PCM1: variants seen among roughly 807,000 people sequenced by gnomAD.
PCM1 encodes pericentriolar material 1.
In PCM1, 157 loss-of-function variants were observed where a neutral mutation model predicts 241.9. The ratio of observed to expected loss-of-function variants is 0.65; its 90% CI spans 0.57 to 0.74. PCM1 has a LOEUF of 0.74. Among genes scored for constraint, PCM1 ranks in the 30% least tolerant of loss-of-function variants. The probability of loss-of-function intolerance (pLI) is 0.00; values close to 1 mark genes in which losing one functional copy is unlikely to be tolerated. For missense variants in PCM1, 3,478 were observed against 2,360.1 expected, an observed-to-expected ratio of 1.47 and a Z score of -9.81; for synonymous variants, 1,085 against 784.9, an observed-to-expected ratio of 1.38 and a Z score of -6.39.
chr8:17,973,552 C>T (rs208039), intron 23 of PCM1, among the ~76,000 whole-genome samples: 1 of 151,952 alleles, frequency 6.6e-6, no homozygotes, highest in Admixed American at 6.6e-5. Flanking sequence ...AACCCCATCT[C>T]TACTAAAAGT....
chr8:18,011,551 GA>G, intron 33 of PCM1, 115 bp from the exon 34 acceptor site: 10 of 1,099,296 alleles, frequency 9.1e-6, no homozygotes, highest in Middle Eastern at 2.8e-4. Flanking sequence ...CATTCTGTTT[GA>G]GGATTTCAGA....
At chr8:18,014,253 G>A (rs2092892214) in intron 35 of PCM1, among the ~76,000 whole-genome samples, 1 of 151,994 alleles carries the variant, frequency 6.6e-6, no homozygotes, top group South Asian at 2.1e-4. Flanking sequence ...ATATTTACCT[G>A]CACAGACAAA....
chr8:17,947,188 C>T lies in PCM1; in HGVS notation c.786C>T (p.Ala262=), dbSNP rs768842645. The T allele has an allele frequency of 1.1e-5, 18 of 1,583,220 alleles. No individual in the cohort carries two copies. In the East Asian group the frequency reaches 3.6e-4, roughly 32 times the overall value. ...GTATTGTTGGTCTTATTTTCCAGGC[C>T]AGAGATCCTCAGCAGGAGCCTATGG... The part of the protein sequence containing the change: ...SYMKFLKKIL[A]RDPQQEPMEE... Residue 262 remains alanine (A), a splice_region_variant and synonymous_variant, in exon 7 of 39, where the codon GCC becomes GCT. Transcript: ENST00000325083.
In PCM1 at chr8:17,991,734, A is replaced by G. The variant is rs764997962; in HGVS notation, c.4690+34A>G. 2.7e-6 allele frequency: 4 copies of G among 1,476,190 alleles called. No individual in the cohort carries two copies. In the South Asian group the frequency reaches 5.1e-5, roughly 19 times the overall value. 91.4% of individuals were successfully genotyped at this position (1,476,190 alleles called of 1,614,324 possible). A position where few individuals can be genotyped will look rare whatever the true frequency, so the allele number is the denominator to read the frequency against. ...TTTTGTTTTCGGTAGGTTTTTGGAG[A>G]ACAGGTGGTGTTTGGTTACATGAAT... On this transcript the variant is annotated intron_variant, in intron 28 of 38. Transcript: ENST00000325083.
chr8:17,962,056 A>T lies in PCM1; in HGVS notation c.2345A>T (p.Asn782Ile). 2.5e-6 allele frequency: 4 copies of T among 1,611,508 alleles called. No homozygotes were observed. Among genetic ancestry groups the T allele is most frequent in the Non-Finnish European group, 3.4e-6 (4 of 1,178,500 alleles). The change falls in exon 16 of 39, where the codon AAC (asparagine) becomes ATC (isoleucine). Residue 782 changes from asparagine to isoleucine, a missense_variant. By Grantham distance (149) the Asn-to-Ile change is moderately radical (BLOSUM62 -3). Coordinates refer to ENST00000325083, the MANE Select transcript of PCM1 (RefSeq NM_006197.4). ...TAGCTGTCAGCTGCTAGTGTGGGTA[A>T]CTGTCCCACCAAAAAATATATGCCA... is the stretch of plus-strand genomic sequence containing the variant. ...DLQLSAASVG[N>I]CPTKKYMPAV... is the part of the protein sequence containing the mutation.
chr8:17,941,685 T>A (rs1171621189), intron 6 of PCM1, among the ~76,000 whole-genome samples: 5 of 152,160 alleles, frequency 3.3e-5, no homozygotes, highest in African/African-American at 1.2e-4. Flanking sequence ...GGCCGTGCAT[T>A]GAGGACAAAC....
chr8:17,946,832 A>AGTGTGTGT (rs368892136), intron 6 of PCM1, among the ~76,000 whole-genome samples: 1,737 of 138,338 alleles, frequency 0.013, 14 homozygotes, highest in East Asian at 0.042. Context: ...TAGATTCTTC[A>AGTGTGTGT]GTGTGTGTGT....
intron 27 of PCM1, 75 bp from the exon 28 acceptor site, chr8:17,991,467 T>G: frequency 7.8e-7 from 1 of 1,275,668 alleles, no homozygotes; most frequent in Non-Finnish European, 1.1e-6. Context: ...GACATTTTTT[T>G]ATTAATGCAT....
Position 18,014,719 on chromosome 8 carries a change from G to T in PCM1, c.5720G>T (p.Arg1907Leu). Reference protein sequence around the residue: ...STQQPNPLPLRLPEMEPLVPR... With the variant: ...STQQPNPLPLLLPEMEPLVPR... The stretch of plus-strand genomic sequence containing the variant: ...CAACAGCCTAACCCTTTGCCGTTAC[G>T]TTTACCTGAAATGGAACCCTTAGTG... Residue 1907 changes from arginine to leucine, a missense_variant, in exon 36 of 39, where the codon CGT becomes CTT. Coordinates refer to ENST00000325083, the MANE Select transcript of PCM1 (RefSeq NM_006197.4). 3.1e-6 allele frequency: 5 copies of T among 1,613,242 alleles called. No homozygotes were observed. Among genetic ancestry groups the T allele is most frequent in the South Asian group, 1.1e-5 (1 of 91,048 alleles).
intron 10 of PCM1, chr8:17,955,960 A>G (rs2068198922): frequency 2.6e-6 from 1 of 378,712 alleles, no homozygotes; most frequent in African/African-American, 2.1e-5. Flanking sequence ...GTAGAATCAG[A>G]CAGCCCTGAA....
rs747678669 is a variant in PCM1 at position 17,972,561 on chromosome 8, G to A, written c.3817G>A (p.Val1273Met). ...SMPDPVDPTTVTKTFKTRKAS... is the reference protein window; with the variant it reads ...SMPDPVDPTTMTKTFKTRKAS... Reference sequence around the variant, plus strand: ...GCCTGATCCAGTAGATCCAACAACAGTGACTAAAACATTCAAGACAAGAAA... The same window carrying A: ...GCCTGATCCAGTAGATCCAACAACAATGACTAAAACATTCAAGACAAGAAA... Residue 1273 changes from valine to methionine, a missense_variant, in exon 23 of 39, where the codon GTG becomes ATG. Physicochemically the swap from Val to Met is conservative, Grantham distance 21 (BLOSUM62 1). Coordinates refer to ENST00000325083, the MANE Select transcript of PCM1 (RefSeq NM_006197.4). 1 of 1,613,742 alleles carries A rather than the reference G, an allele frequency of 6.2e-7. No homozygotes were observed. Among genetic ancestry groups the A allele is most frequent in the Non-Finnish European group, 8.5e-7 (1 of 1,179,714 alleles).
chr8:17,999,480 G>A (rs909916071), intron 29 of PCM1, among the ~76,000 whole-genome samples: 3 of 152,024 alleles, frequency 2.0e-5, no homozygotes, highest in South Asian at 2.1e-4. Flanking sequence ...CTGGAATGGC[G>A]ACCTCACGAC....
rs187667323 is a variant in PCM1 at position 17,974,833 on chromosome 8, T to A, written c.3943+2146T>A. 4.6e-4 allele frequency among the ~76,000 whole-genome samples: 70 copies of A among 151,364 alleles called. 1 individual carries two copies. The highest frequency in any genetic ancestry group is 1.7e-3 in the African/African-American group (70 of 41,040). On this transcript the variant is annotated intron_variant, in intron 23 of 38. Transcript: ENST00000325083. ...TGCTCAACAAGCATTCAAGACCATC[T>A]GTCAGTGAGTGCCCCACTTTAAGGC...
chr8:17,937,400 A>G (rs1216462463), intron 4 of PCM1, 21 bp downstream of exon 4: 1 of 1,547,304 alleles, frequency 6.5e-7, no homozygotes, highest in East Asian at 2.3e-5. Context: ...TATTTTTAAA[A>G]ATGAAGCTAT....
chr8:17,963,142 G>T lies in PCM1; in HGVS notation c.2505G>T (p.Glu835Asp), dbSNP rs758875409. ...EMRRHEMLRE[E>D]LRQRRKQLEA... ...GAAGACATGAAATGTTGAGGGAGGA[G>T]CTGCGACAGAGAAGAAAGCAGCTTG... The change falls in exon 17 of 39, where the codon GAG (glutamate) becomes GAT (aspartate). Residue 835 changes from glutamate to aspartate, a missense_variant. By Grantham distance (45) the Glu-to-Asp change is conservative (BLOSUM62 2). Coordinates refer to ENST00000325083, the MANE Select transcript of PCM1 (RefSeq NM_006197.4). The T allele has an allele frequency of 6.8e-6, 11 of 1,613,192 alleles. No homozygotes were observed. In the South Asian group the frequency reaches 1.2e-4, roughly 18 times the overall value.
At chr8:17,987,380 A>G (rs533448538) in intron 26 of PCM1, among the ~76,000 whole-genome samples, 1 of 151,938 alleles carries the variant, frequency 6.6e-6, no homozygotes, top group African/African-American at 2.4e-5. Flanking sequence ...CCTTAATTCC[A>G]GTGCTTTCAC....
chr8:17,925,643 G>C (rs572599264), intron 2 of PCM1: 14 of 152,260 alleles, frequency 9.2e-5, no homozygotes, highest in African/African-American at 3.1e-4. Context: ...AAGACCATCC[G>C]GCTAACATGG....
At position 17,972,659 on chromosome 8, in the gene PCM1, T is replaced by G. The variant is rs576277759; in HGVS notation, c.3915T>G (p.Thr1305=). 2 of 1,569,236 alleles carry G rather than the reference T, an allele frequency of 1.3e-6. No homozygotes were observed. The highest frequency in any genetic ancestry group is 1.7e-6 in the Non-Finnish European group (2 of 1,161,216). ...CAAAAAGTAAGAAGAGGAATTCTAC[T>G]CAGCTGAAAAGCAGAGTTAAAAACA... ...PKSKSKKRNS[T]QLKSRVKNIR... is the part of the protein sequence containing the mutation. The change falls in exon 23 of 39, where the codon ACT becomes ACG. Residue 1305 remains threonine, a synonymous_variant. Transcript: ENST00000325083.
intron 21 of PCM1, among the ~76,000 whole-genome samples, chr8:17,967,751 C>T (rs1423368787): frequency 2.6e-5 from 4 of 152,148 alleles, no homozygotes; most frequent in Admixed American, 6.5e-5. Context: ...CTGTGTAAAA[C>T]GCTGGGAGAG....
Sources: allele counts gnomAD v4.1 joint callset (sites outside exome capture counted in the v4.1 genomes callset), GRCh38; gene constraint gnomAD v4.1.1; transcripts MANE v1.5; gene names NCBI Gene and HGNC (gene_info 2026-07-23, HGNC 2026-07-21).